The following BICC1 variants were observed in gnomAD, a reference collection of about 807,000 sequenced individuals.
BICC1 encodes BicC family RNA binding protein 1.
BICC1 carries 43 observed loss-of-function variants against 111.0 expected under a neutral mutation model. The observed-to-expected ratio is 0.39, with a 90% CI of 0.30 to 0.50. The LOEUF is 0.50. BICC1 is among the 20% of genes least tolerant of loss of function. The pLI is 0.88. For missense variants in BICC1, 1,091 were observed against 1,203.2 expected (o/e 0.91, Z 1.38); for synonymous variants, 467 against 434.4 (o/e 1.07, Z -0.93).
In BICC1 at chr10:58,630,886, A is replaced by G. The variant is rs943755473; in HGVS notation, c.237+9985A>G. ...ATTTCTGTCAAATCTGTCATTTAAAATATGTATACTGCAGCAATACTACGG... is the reference window on the plus strand; with the variant it reads ...ATTTCTGTCAAATCTGTCATTTAAAGTATGTATACTGCAGCAATACTACGG... On this transcript the variant is annotated intron_variant, in intron 2 of 20. Coordinates refer to ENST00000373886, the MANE Select transcript of BICC1 (RefSeq NM_001080512.3). Among the ~76,000 whole-genome samples the G allele has an allele frequency of 2.0e-5, 3 of 152,198 alleles. No individual in the cohort carries two copies. The East Asian group carries it at 5.8e-4, about 29-fold the overall frequency.
At chr10:58,539,497 G>A (rs928428861) in intron 1 of BICC1, among the ~76,000 whole-genome samples, 2 of 151,028 alleles carry the variant, frequency 1.3e-5, no homozygotes, top group African/African-American at 4.9e-5. Context: ...GTTCATCCAT[G>A]TAACCAAAAA....
chr10:58,741,098 A>T (rs556193767), intron 3 of BICC1, among the ~76,000 whole-genome samples: 1 of 152,298 alleles, frequency 6.6e-6, no homozygotes, highest in South Asian at 2.1e-4. Context: ...TTTGTTCTTT[A>T]CATAGAAGGC....
intron 3 of BICC1, among the ~76,000 whole-genome samples, chr10:58,713,303 C>G (rs921138519): frequency 1.3e-5 from 2 of 152,122 alleles, no homozygotes; most frequent in Non-Finnish European, 2.9e-5. Flanking sequence ...TTTATGTCCT[C>G]TTGCCTGTGG....
intron 2 of BICC1, among the ~76,000 whole-genome samples, chr10:58,666,176 G>T (rs766356997): frequency 1.3e-5 from 2 of 152,160 alleles, no homozygotes; most frequent in African/African-American, 4.8e-5. Flanking sequence ...ACAAAAAAAC[G>T]TAAAATGACC....
chr10:58,818,376 C>G (rs1048925570), intron 19 of BICC1, among the ~76,000 whole-genome samples: 1 of 152,092 alleles, frequency 6.6e-6, no homozygotes, highest in Non-Finnish European at 1.5e-5. Flanking sequence ...TCTCATATTA[C>G]TGGGGCACAG....
Position 58,787,091 on chromosome 10 carries a change from C to G in BICC1, c.546+10C>G. 6.4e-7 allele frequency: 1 copy of G among 1,560,068 alleles called. No individual in the cohort carries two copies. The highest frequency in any genetic ancestry group is 8.6e-7 in the Non-Finnish European group (1 of 1,159,412). On this transcript the variant is annotated intron_variant, in intron 5 of 20. Coordinates refer to ENST00000373886, the MANE Select transcript of BICC1 (RefSeq NM_001080512.3). ...AGAAAAAAGCAACCAGGTGGTTTGT[C>G]TTTTCACATGAACTTTTATGGGATG...
At chr10:58,733,419 G>A (rs1177085949) in intron 3 of BICC1, among the ~76,000 whole-genome samples, 2 of 152,184 alleles carry the variant, frequency 1.3e-5, no homozygotes, top group African/African-American at 2.4e-5. Context: ...TGCCTTACTT[G>A]GGTATACTTA....
chr10:58,696,574 TG>T, intron 2 of BICC1, among the ~76,000 whole-genome samples: 1 of 152,220 alleles, frequency 6.6e-6, no homozygotes. Context: ...CATTTTTAGA[TG>T]GACTCCTCCA....
intron 3 of BICC1, among the ~76,000 whole-genome samples, chr10:58,753,857 C>A (rs1842062923): frequency 1.3e-5 from 2 of 152,032 alleles, no homozygotes; most frequent in Non-Finnish European, 2.9e-5. Flanking sequence ...TTTCCCTATT[C>A]CGTACTATAT....
At chr10:58,791,252 GTTAT>G (rs1452665180) in intron 8 of BICC1, among the ~76,000 whole-genome samples, 2 of 151,946 alleles carry the variant, frequency 1.3e-5, no homozygotes, top group Non-Finnish European at 2.9e-5. Flanking sequence ...TTCTTTAGAT[GTTAT>G]TTTTTAGTTT....
At chr10:58,650,014 AT>A (rs1310840944) in intron 2 of BICC1, 1 of 152,180 alleles carries the variant, frequency 6.6e-6, no homozygotes, top group African/African-American at 2.4e-5. Context: ...ACGTAGCTAC[AT>A]AAAAATAATG....
intron 3 of BICC1, among the ~76,000 whole-genome samples, chr10:58,722,812 C>T (rs756744703): frequency 6.6e-6 from 1 of 152,118 alleles, no homozygotes; most frequent in Non-Finnish European, 1.5e-5. Context: ...TTTTTGTTTC[C>T]TTTAAGAATA....
intron 2 of BICC1, among the ~76,000 whole-genome samples, chr10:58,699,713 T>A (rs1317955324): frequency 1.3e-5 from 2 of 151,896 alleles, no homozygotes; most frequent in South Asian, 2.1e-4. Flanking sequence ...TTTTTTTTTT[T>A]AAACAGTGTC....
intron 2 of BICC1, chr10:58,650,743 C>A (rs569286762): frequency 6.6e-6 from 1 of 152,292 alleles, no homozygotes; most frequent in East Asian, 1.9e-4. Context: ...TTATGTGCAG[C>A]ACACTCATAT....
intron 1 of BICC1, among the ~76,000 whole-genome samples, chr10:58,571,503 C>T (rs1178452723): frequency 6.7e-6 from 1 of 150,082 alleles, no homozygotes; most frequent in Non-Finnish European, 1.5e-5. Flanking sequence ...CCCCCGCCCT[C>T]CGACAGGCCC....
At chr10:58,754,027 T>C (rs562827690) in intron 3 of BICC1, among the ~76,000 whole-genome samples, 1 of 152,310 alleles carries the variant, frequency 6.6e-6, no homozygotes, top group East Asian at 1.9e-4. Flanking sequence ...AATTTTGAGG[T>C]ATTAGGTGTA....
chr10:58,737,762 T>A (rs1041661340), intron 3 of BICC1, among the ~76,000 whole-genome samples: 1 of 152,204 alleles, frequency 6.6e-6, no homozygotes, highest in Non-Finnish European at 1.5e-5. Context: ...GTTTCCTGAC[T>A]TTTTAATGAT....
chr10:58,591,633 T>C (rs1441198637), intron 1 of BICC1, among the ~76,000 whole-genome samples: 1 of 152,240 alleles, frequency 6.6e-6, no homozygotes, highest in Non-Finnish European at 1.5e-5. Context: ...TTTTGGGAGA[T>C]ACAGGCATTC....
chr10:58,661,644 T>C (rs1292134028), intron 2 of BICC1, among the ~76,000 whole-genome samples: 1 of 152,206 alleles, frequency 6.6e-6, no homozygotes, highest in Non-Finnish European at 1.5e-5. Flanking sequence ...GTTCGGGTTG[T>C]GCTCATTTGT....
Sources: gnomAD v4.1 joint callset for allele counts (sites outside exome capture counted in the v4.1 genomes callset) on GRCh38, gnomAD v4.1.1 for gene constraint, MANE v1.5 for transcripts, NCBI Gene and HGNC (gene_info 2026-07-23, HGNC 2026-07-21) for gene names.